LRP5: variants seen among roughly 807,000 people sequenced by gnomAD.
LRP5 encodes the protein low-density lipoprotein receptor-related protein 5.
Under a neutral mutation model 154.1 loss-of-function variants are expected in LRP5, and 62 were observed. The observed-to-expected ratio is 0.40, with a 90% CI of 0.33 to 0.50. The LOEUF (loss-of-function observed/expected upper bound fraction) is 0.50, where lower values mean the gene tolerates loss of function less well. LRP5 is among the 20% of genes least tolerant of loss of function. The pLI is 0.55. For synonymous variants in LRP5, 966 were observed against 1,011.5 expected (o/e 0.96, Z 0.85); for missense variants, 1,915 against 2,336.7 (o/e 0.82, Z 3.72).
chr11:68,328,728 G>A (rs2098601104), intron 1 of LRP5, among the ~76,000 whole-genome samples: 1 of 152,244 alleles, frequency 6.6e-6, no homozygotes, highest in Non-Finnish European at 1.5e-5. Flanking sequence ...CGCAGTAAAT[G>A]CTTCCATCTG....
At chr11:68,317,565 TG>T (rs2098594161) in intron 1 of LRP5, among the ~76,000 whole-genome samples, 1 of 137,414 alleles carries the variant, frequency 7.3e-6, no homozygotes, top group Non-Finnish European at 1.6e-5. Flanking sequence ...GGGTTGGGGG[TG>T]GGGGGAGCTC....
intron 16 of LRP5, among the ~76,000 whole-genome samples, chr11:68,428,117 C>T (rs772718474): frequency 5.9e-5 from 9 of 151,702 alleles, no homozygotes; most frequent in Non-Finnish European, 1.0e-4. Flanking sequence ...CTCAGCCTTC[C>T]AAGTAACTGG....
intron 5 of LRP5, among the ~76,000 whole-genome samples, chr11:68,371,440 C>T (rs1319437677): frequency 6.6e-6 from 1 of 152,252 alleles, no homozygotes; most frequent in Non-Finnish European, 1.5e-5. Flanking sequence ...AAGCAGACCA[C>T]GCGGCAGCCT....
At chr11:68,393,971 G>A (rs2098647807) in intron 7 of LRP5, among the ~76,000 whole-genome samples, 1 of 152,058 alleles carries the variant, frequency 6.6e-6, no homozygotes, top group African/African-American at 2.4e-5. Flanking sequence ...CGAGAAATGA[G>A]GTTTAGGGAA....
At chr11:68,420,255 T>A (rs910131243) in intron 13 of LRP5, among the ~76,000 whole-genome samples, 1 of 152,218 alleles carries the variant, frequency 6.6e-6, no homozygotes, top group African/African-American at 2.4e-5. Context: ...TTCTACTTTG[T>A]ATCTCTCTCT....
At chr11:68,398,372 C>G (rs1410508714) in intron 7 of LRP5, among the ~76,000 whole-genome samples, 1 of 152,222 alleles carries the variant, frequency 6.6e-6, no homozygotes, top group Non-Finnish European at 1.5e-5. Context: ...CCTTGGTGTG[C>G]TGGTCAGGGG....
At position 68,447,198 on chromosome 11, in the gene LRP5, G is replaced by A. The variant is rs558908066; in HGVS notation, c.4586+665G>A. The A allele has an allele frequency of 6.4e-6, 1 of 156,018 alleles. No homozygotes were observed. Among genetic ancestry groups the A allele is most frequent in the East Asian group, 1.9e-4 (1 of 5,244 alleles). The allele number at this position is 156,018 out of a possible 1,614,324, so 9.7% of individuals were successfully genotyped here. A position where few individuals can be genotyped will look rare whatever the true frequency, so the allele number is the denominator to read the frequency against. ...CAGGGGCTGGATCAGAGCCTGGGAT[G>A]GGCAGGGTGAGCCTCCTGACCTTTA... On this transcript the variant is annotated intron_variant, in intron 22 of 22. Transcript: ENST00000294304. This position sits in a 1 kb window ranked among gnomAD's most constrained non-coding sequence, Gnocchi z 4.3.
intron 11 of LRP5, among the ~76,000 whole-genome samples, chr11:68,412,439 A>C (rs1244185805): frequency 6.6e-6 from 1 of 152,012 alleles, no homozygotes; most frequent in Admixed American, 6.6e-5. Flanking sequence ...CCAGGAGTTC[A>C]AGATCAGCCT....
chr11:68,410,122 C>T lies in LRP5; in HGVS notation c.2300C>T (p.Ala767Val). The change falls in exon 10 of 23, where the codon GCC becomes GTC. Residue 767 changes from alanine (A) to valine (V), a missense_variant. This residue lies in a region of LRP5 where 773 missense variants were observed against 1,100.9 expected (regional missense o/e 0.70). Coordinates refer to ENST00000294304, the MANE Select transcript of LRP5 (RefSeq NM_002335.4). ...WRDLDNPRSL[A>V]LDPTKGYIYW... ...GACTTGGACAACCCGAGGTCGCTGG[C>T]CCTGGATCCCACCAAGGGGTAAGTG... The T allele has an allele frequency of 6.2e-7, 1 of 1,613,804 alleles. No individual in the cohort carries two copies. The highest frequency in any genetic ancestry group is 8.5e-7 in the Non-Finnish European group (1 of 1,179,988).
upstream of LRP5, among the ~76,000 whole-genome samples, chr11:68,310,374 CT>C (rs2098587012): frequency 6.6e-6 from 1 of 152,190 alleles, no homozygotes; most frequent in Admixed American, 6.5e-5. Context: ...CATCCCAGCA[CT>C]TTGGGAGGCC....
intron 1 of LRP5, among the ~76,000 whole-genome samples, chr11:68,335,607 T>G (rs1421584190): frequency 1.3e-5 from 2 of 152,102 alleles, no homozygotes; most frequent in African/African-American, 4.8e-5. Flanking sequence ...TCATTAACAT[T>G]GAATTCATGG....
rs745597920 is a variant in LRP5, at chr11:68,425,303, C to T, written c.3427+11C>T. 1.4e-5 allele frequency: 22 copies of T among 1,599,714 alleles called. No individual in the cohort carries two copies. Among genetic ancestry groups the T allele is most frequent in the Admixed American group, 1.3e-4 (8 of 59,290 alleles). On this transcript the variant is annotated intron_variant, in intron 15 of 22. Coordinates refer to ENST00000294304, the MANE Select transcript of LRP5 (RefSeq NM_002335.4). ...GCTGTGACCTGTCAGGTACGCGCCC[C>T]GGGGCCTGCCCTAACCGCAGACACC...
intron 1 of LRP5, among the ~76,000 whole-genome samples, chr11:68,317,494 G>T (rs312014): frequency 6.6e-6 from 1 of 151,886 alleles, no homozygotes; most frequent in African/African-American, 2.4e-5. Flanking sequence ...CCCTGAGTTA[G>T]GAGCAGAACG....
At chr11:68,331,769 GTGTGTT>G (rs1489210465) in intron 1 of LRP5, among the ~76,000 whole-genome samples, 1 of 140,554 alleles carries the variant, frequency 7.1e-6, no homozygotes, top group South Asian at 2.2e-4. Context: ...GTGTGTGTGT[GTGTGTT>G]TGAGTGTGCA....
chr11:68,396,519 C>T (rs894020889), intron 7 of LRP5, among the ~76,000 whole-genome samples: 3 of 152,306 alleles, frequency 2.0e-5, no homozygotes, highest in South Asian at 2.1e-4. Context: ...TCACGGGCAG[C>T]TGTGGCTGAT....
chr11:68,377,915 G>A lies in LRP5; in HGVS notation c.1016-8401G>A, dbSNP rs924319284. On this transcript the variant is annotated intron_variant, in intron 5 of 22. Transcript: ENST00000294304. ...CTTTCTGCTACCCGTGTGAAAAGAA[G>A]CCAGGAGAACACAGCTATCCTGGGT... is the stretch of plus-strand genomic sequence containing the variant. Among the ~76,000 whole-genome samples the A allele has an allele frequency of 3.8e-4, 58 of 152,222 alleles. 1 individual carries two copies. Among genetic ancestry groups the A allele is most frequent in the African/African-American group, 1.3e-3 (55 of 41,534 alleles).
chr11:68,330,778 G>A (rs2098602299), intron 1 of LRP5, among the ~76,000 whole-genome samples: 1 of 152,236 alleles, frequency 6.6e-6, no homozygotes, highest in Non-Finnish European at 1.5e-5. Context: ...CGAGCCTGGG[G>A]GTGTAGCCCA....
At position 68,409,101 on chromosome 11, in the gene LRP5, C is replaced by CATACATATAT. The variant is rs1467803142; in HGVS notation, c.2092-812_2092-811insTACATATATA. Among the ~76,000 whole-genome samples, 66 of 80,410 alleles carry CATACATATAT rather than the reference C, an allele frequency of 8.2e-4. 2 individuals are homozygous for CATACATATAT. Among genetic ancestry groups the CATACATATAT allele is most frequent in the African/African-American group, 3.7e-3 (64 of 17,362 alleles). 52.8% of individuals were successfully genotyped at this position (80,410 alleles called of 152,430 possible). On this transcript the variant is annotated intron_variant, in intron 9 of 22. Transcript: ENST00000294304. ...ATATATATATATATATATATACACA[C>CATACATATAT]ACATACACGCACACACACATAATAT...
intron 5 of LRP5, among the ~76,000 whole-genome samples, chr11:68,373,872 C>G (rs2098635812): frequency 6.6e-6 from 1 of 152,204 alleles, no homozygotes; most frequent in Admixed American, 6.5e-5. Context: ...ACTTTTGTCT[C>G]CTGCACATCC....
Sources: gnomAD v4.1 joint callset for allele counts (sites outside exome capture counted in the v4.1 genomes callset) on GRCh38, gnomAD v4.1.1 for gene constraint, gnomAD v4.1.1 regional missense constraint, Gnocchi (gnomAD v3.1) non-coding constraint, MANE v1.5 for transcripts, NCBI Gene and HGNC (gene_info 2026-07-23, HGNC 2026-07-21) for gene names.